Variants in FRMD4A observed in about 807,000 individuals in gnomAD.
FRMD4A encodes FERM domain containing 4A.
Under a neutral mutation model 129.1 loss-of-function variants are expected in FRMD4A, and 29 were observed. That is an observed-to-expected ratio of 0.22 (90% CI 0.17 to 0.31). FRMD4A has a LOEUF of 0.31. Among genes scored for constraint, FRMD4A ranks in the 10% least tolerant of loss-of-function variants. FRMD4A has a pLI of 1.00. For missense variants in FRMD4A, 1,272 were observed against 1,375.8 expected (o/e 0.92, Z 1.19); for synonymous variants, 634 against 571.6 (o/e 1.11, Z -1.56).
chr10:14,112,921 C>T (rs1403253517), intron 2 of FRMD4A, among the ~76,000 whole-genome samples: 1 of 152,056 alleles, frequency 6.6e-6, no homozygotes, highest in African/African-American at 2.4e-5. Context: ...ATTACAGTGA[C>T]AGACAAAGAG....
chr10:13,701,028 C>T (rs576566423), intron 14 of FRMD4A, among the ~76,000 whole-genome samples: 4 of 152,084 alleles, frequency 2.6e-5, no homozygotes, highest in East Asian at 1.9e-4. Flanking sequence ...CTTGCCTTCA[C>T]GCTGCTAGAG....
At chr10:13,913,183 A>G (rs2131233493) in intron 2 of FRMD4A, among the ~76,000 whole-genome samples, 1 of 152,342 alleles carries the variant, frequency 6.6e-6, no homozygotes, top group Non-Finnish European at 1.5e-5. Context: ...ATCACTTACA[A>G]AAGACCACAT....
chr10:14,144,140 T>C (rs7923519), intron 2 of FRMD4A, among the ~76,000 whole-genome samples: 102,079 of 151,982 alleles, frequency 0.67, 34,909 homozygotes, highest in African/African-American at 0.8. Context: ...GTCGGTGTCC[T>C]CCAGATTCCT....
At chr10:13,672,879 T>C (rs1042160262) in intron 16 of FRMD4A, among the ~76,000 whole-genome samples, 3 of 152,220 alleles carry the variant, frequency 2.0e-5, no homozygotes, top group Admixed American at 2.0e-4. Flanking sequence ...TAGGGAATGA[T>C]CACAGGAGAA....
intron 2 of FRMD4A, among the ~76,000 whole-genome samples, chr10:14,065,463 G>A (rs1247612777): frequency 2.0e-5 from 3 of 152,170 alleles, no homozygotes; most frequent in Admixed American, 2.0e-4. Context: ...TTGCAGATGT[G>A]AGCCACCATA....
intron 2 of FRMD4A, among the ~76,000 whole-genome samples, chr10:13,983,721 C>T (rs926661557): frequency 2.6e-5 from 4 of 151,898 alleles, no homozygotes; most frequent in South Asian, 2.1e-4. Flanking sequence ...AACTGGGGGC[C>T]GGGCGCGGTG....
chr10:13,942,227 T>C (rs1021483293), intron 2 of FRMD4A, among the ~76,000 whole-genome samples: 5 of 152,192 alleles, frequency 3.3e-5, no homozygotes, highest in African/African-American at 1.2e-4. Flanking sequence ...GGAAGCCTCA[T>C]TAAAGGCACT....
chr10:13,694,895 C>G (rs1415754830), intron 14 of FRMD4A, among the ~76,000 whole-genome samples: 1 of 151,942 alleles, frequency 6.6e-6, no homozygotes, highest in Non-Finnish European at 1.5e-5. Flanking sequence ...CCTGCAATCA[C>G]AGGGTGCATG....
At chr10:14,139,418 C>T (rs182086284) in intron 2 of FRMD4A, among the ~76,000 whole-genome samples, 1 of 149,506 alleles carries the variant, frequency 6.7e-6, no homozygotes, top group African/African-American at 2.4e-5. Context: ...TTAATAAATC[C>T]TATCAAAAAC....
intron 3 of FRMD4A, among the ~76,000 whole-genome samples, chr10:13,816,609 T>A (rs191956522): frequency 6.6e-6 from 1 of 152,328 alleles, no homozygotes; most frequent in Non-Finnish European, 1.5e-5. Context: ...GTGACAGTGA[T>A]TAATATACTA....
At chr10:13,913,346 A>T (rs183254220) in intron 2 of FRMD4A, among the ~76,000 whole-genome samples, 357 of 152,268 alleles carry the variant, frequency 2.3e-3, no homozygotes, top group Non-Finnish European at 3.9e-3. Flanking sequence ...GGTGGTAAAG[A>T]TGTTGTAAAA....
Position 13,949,326 on chromosome 10 carries a change from A to G in FRMD4A, c.46-90414T>C, listed in dbSNP as rs144099233. Among the ~76,000 whole-genome samples the G allele has an allele frequency of 3.1e-3, 472 of 151,758 alleles. 6 individuals are homozygous for G. Among genetic ancestry groups the G allele is most frequent in the African/African-American group, 0.011 (445 of 41,318 alleles). On this transcript the variant is annotated intron_variant, in intron 2 of 24. Transcript: ENST00000357447. ...CAAAAAAAAAAAAAAAAAGAAAGAA[A>G]GAAAGAATAGGATGGGGTAATGAGA...
chr10:13,781,799 G>C (rs10796124), intron 6 of FRMD4A, among the ~76,000 whole-genome samples: 1,788 of 151,732 alleles, frequency 0.012, 68 homozygotes, highest in East Asian at 0.091. Flanking sequence ...ACAAAAAGTA[G>C]TGGTTGCCAG....
chr10:13,921,248 T>TTCTCTCTC (rs1263400403), intron 2 of FRMD4A, among the ~76,000 whole-genome samples: 1 of 74,778 alleles, frequency 1.3e-5, no homozygotes. Context: ...CTTTCTCTCT[T>TTCTCTCTC]TCTCTCTCTC....
At chr10:13,747,107 A>T (rs2091330266) in intron 9 of FRMD4A, among the ~76,000 whole-genome samples, 1 of 152,080 alleles carries the variant, frequency 6.6e-6, no homozygotes, top group Non-Finnish European at 1.5e-5. Context: ...CTCTAGCAGC[A>T]CATGAAAGGC....
chr10:13,958,451 T>G (rs201692940), intron 2 of FRMD4A, among the ~76,000 whole-genome samples: 3 of 151,158 alleles, frequency 2.0e-5, no homozygotes, highest in East Asian at 3.9e-4. Flanking sequence ...GCCTGGCTAA[T>G]TTTTTGTATT....
At position 13,737,949 on chromosome 10, in the gene FRMD4A, T is replaced by G. The variant is rs376939969; in HGVS notation, c.673-19A>C. ...GCTTGTCCTAGGATATCAAAAAAAG[T>G]TTGGGTGAATATGGGACTGGAGGAA... On this transcript the variant is annotated intron_variant, in intron 11 of 24. Coordinates refer to ENST00000357447, the MANE Select transcript of FRMD4A (RefSeq NM_018027.5). 7.0e-6 allele frequency: 10 copies of G among 1,428,396 alleles called. No homozygotes were observed. In the South Asian group the frequency reaches 1.0e-4, roughly 15 times the overall value. 88.5% of individuals were successfully genotyped at this position (1,428,396 alleles called of 1,614,324 possible). A position where few individuals can be genotyped will look rare whatever the true frequency, so the allele number is the denominator to read the frequency against.
intron 19 of FRMD4A, among the ~76,000 whole-genome samples, chr10:13,663,219 A>G (rs149835655): frequency 3.9e-5 from 6 of 152,134 alleles, no homozygotes; most frequent in Middle Eastern, 3.4e-3. Flanking sequence ...TTTGGCTTCT[A>G]AAAAAGTAAA....
chr10:14,058,448 T>A (rs887382895), intron 2 of FRMD4A, among the ~76,000 whole-genome samples: 15 of 152,002 alleles, frequency 9.9e-5, no homozygotes, highest in African/African-American at 3.6e-4. Context: ...AATGGGAGAG[T>A]CTGGGAGAGA....
Sources: allele counts gnomAD v4.1 joint callset (sites outside exome capture counted in the v4.1 genomes callset), GRCh38; gene constraint gnomAD v4.1.1; transcripts MANE v1.5; gene names NCBI Gene and HGNC (gene_info 2026-07-23, HGNC 2026-07-21).